SYNPO: variants seen among roughly 807,000 people sequenced by gnomAD.
SYNPO encodes synaptopodin.
Under a neutral mutation model 49.5 loss-of-function variants are expected in SYNPO, and 19 were observed. That is an observed-to-expected ratio of 0.38 (90% CI 0.27 to 0.56). The LOEUF is 0.56. Among genes scored for constraint, SYNPO ranks in the 20% least tolerant of loss-of-function variants. The probability of loss-of-function intolerance (pLI) is 0.68; values close to 1 mark genes in which losing one functional copy is unlikely to be tolerated. For missense variants in SYNPO, 1,131 were observed against 1,248.3 expected (o/e 0.91, Z 1.42); for synonymous variants, 536 against 548.0 (o/e 0.98, Z 0.31).
At chr5:150,600,386 C>T (rs187857579), upstream of SYNPO, among the ~76,000 whole-genome samples, 183 of 152,368 alleles carry the variant, frequency 1.2e-3, 5 homozygotes, top group East Asian at 0.027. Context: ...CCCTCTGGGG[C>T]TCTGGGGTCT....
chr5:150,639,569 C>T (rs1395617895), upstream of SYNPO, among the ~76,000 whole-genome samples: 1 of 152,168 alleles, frequency 6.6e-6, no homozygotes, highest in East Asian at 1.9e-4. Context: ...ACCGCAGGGG[C>T]CCCTTGCTAA....
upstream of SYNPO, among the ~76,000 whole-genome samples, chr5:150,598,765 T>C (rs765520451): frequency 6.6e-6 from 1 of 151,986 alleles, no homozygotes; most frequent in African/African-American, 2.4e-5. Flanking sequence ...ACACAACTCA[T>C]GGACTTTCCA....
In SYNPO at chr5:150,649,579, C is replaced by T; in HGVS notation, c.1304C>T (p.Ala435Val). 6.2e-7 allele frequency: 1 copy of T among 1,610,270 alleles called. No homozygotes were observed. Among genetic ancestry groups the T allele is most frequent in the African/African-American group, 1.3e-5 (1 of 74,966 alleles). The change falls in exon 2 of 3, where the codon GCA becomes GTA. Residue 435 changes from alanine to valine, a missense_variant. By Grantham distance (64) the Ala-to-Val change is moderately conservative. Transcript: ENST00000307662. ...GCCTCCAACTTCCAGCAGGAGCCAG[C>T]ACCTCGTGACAGGGCCAGCCCCGCG... ...AEASNFQQEP[A>V]PRDRASPAAA...
intron 1 of SYNPO, among the ~76,000 whole-genome samples, chr5:150,609,384 T>TG (rs1345167263): frequency 6.6e-6 from 1 of 152,166 alleles, no homozygotes; most frequent in East Asian, 1.9e-4. Flanking sequence ...AACCTCCACC[T>TG]GCCGGGTTCA....
rs545150119 is a variant in SYNPO at position 150,647,759 on chromosome 5, T to C, written c.-332-185T>C. Among the ~76,000 whole-genome samples the C allele has an allele frequency of 3.3e-5, 5 of 152,112 alleles. 1 individual carries two copies. The South Asian group carries it at 8.3e-4, about 25-fold the overall frequency. On this transcript the variant is annotated intron_variant, in intron 1 of 2. Transcript: ENST00000307662. The stretch of plus-strand genomic sequence containing the variant: ...ACGTGGTGGCATTTGAGTTGGGCCA[T>C]GAAAGGTAGGTCAGGGCTGATTACG...
rs553410587 is a variant in SYNPO, at chr5:150,655,800, G to A, written c.2029-604G>A. On this transcript the variant is annotated intron_variant, in intron 2 of 2. Coordinates refer to ENST00000307662, the MANE Select transcript of SYNPO (RefSeq NM_007286.6). ...CCGCAGTAGCTGGGACTACAGGCACGCGCCACCGTGCCACTAATTTTTGTA... is the reference window on the plus strand; with the variant it reads ...CCGCAGTAGCTGGGACTACAGGCACACGCCACCGTGCCACTAATTTTTGTA... Among the ~76,000 whole-genome samples the A allele has an allele frequency of 3.3e-5, 5 of 152,268 alleles. No individual in the cohort carries two copies. The East Asian group carries it at 7.7e-4, about 24-fold the overall frequency.
chr5:150,596,381 C>T (rs185359179), upstream of SYNPO, among the ~76,000 whole-genome samples: 37 of 152,298 alleles, frequency 2.4e-4, no homozygotes, highest in East Asian at 4.8e-3. Flanking sequence ...TATCTGCTCA[C>T]TAAGAAGGCT....
intron 2 of SYNPO, 66 bp downstream of exon 2, chr5:150,650,369 C>A (rs554795120): frequency 6.3e-7 from 1 of 1,597,524 alleles, no homozygotes; most frequent in Non-Finnish European, 8.6e-7. Flanking sequence ...GGTCAAGTTC[C>A]CCTCCTTGAG....
rs758659255 is a variant in SYNPO, at chr5:150,650,217, G to A, written c.1942G>A (p.Val648Met). ...TCCTTACGGCGGTGACATCTCCCCC[G>A]TGTCTCCCTCCAGGGCGTGGTCTCC... Reference protein sequence around the residue: ...SPPYGGDISPVSPSRAWSPRA... With the variant: ...SPPYGGDISPMSPSRAWSPRA... The change falls in exon 2 of 3, where the codon GTG (valine) becomes ATG (methionine). Residue 648 changes from valine (V) to methionine (M), a missense_variant. This residue lies in a region of SYNPO where 509 missense variants were observed against 484.5 expected (regional missense o/e 1.05). Transcript: ENST00000307662. The A allele has an allele frequency of 8.7e-6, 14 of 1,613,574 alleles. No homozygotes were observed. Among genetic ancestry groups the A allele is most frequent in the East Asian group, 4.5e-5 (2 of 44,880 alleles).
upstream of SYNPO, among the ~76,000 whole-genome samples, chr5:150,637,629 A>G (rs1202895547): frequency 1.3e-5 from 2 of 152,198 alleles, no homozygotes; most frequent in African/African-American, 4.8e-5. Flanking sequence ...CCAGAGCCCC[A>G]GGCTGGTGAT....
At chr5:150,587,297 TG>T in the SYNPO span, among the ~76,000 whole-genome samples, 1 of 151,946 alleles carries the variant, frequency 6.6e-6, no homozygotes, top group Non-Finnish European at 1.5e-5. Flanking sequence ...AATATGTGGA[TG>T]ATGCATGTAT....
At chr5:150,600,465 G>A (rs1393237454), upstream of SYNPO, among the ~76,000 whole-genome samples, 2 of 152,222 alleles carry the variant, frequency 1.3e-5, no homozygotes, top group Admixed American at 1.3e-4. Context: ...CAGCCCCTTG[G>A]CCCAAATCCG....
rs73276126 is a variant in SYNPO, at chr5:150,656,208, A to G, written c.2029-196A>G. The stretch of plus-strand genomic sequence containing the variant: ...GAGTCTTCTTAACACGGAGGCAGAC[A>G]CAAGACAGCGGGGACTCTTCAGGCG... On this transcript the variant is annotated intron_variant, in intron 2 of 2. Coordinates refer to ENST00000307662, the MANE Select transcript of SYNPO (RefSeq NM_007286.6). Among the ~76,000 whole-genome samples, 5,172 of 152,120 alleles carry G rather than the reference A, an allele frequency of 0.034. 274 individuals carry two copies. The highest frequency in any genetic ancestry group is 0.12 in the African/African-American group (4,849 of 41,488).
chr5:150,602,036 C>T (rs1279464520), intron 1 of SYNPO, among the ~76,000 whole-genome samples: 1 of 152,214 alleles, frequency 6.6e-6, no homozygotes, highest in Non-Finnish European at 1.5e-5. Flanking sequence ...TTCCTTATGG[C>T]CATCGGGGAG....
chr5:150,638,403 T>G (rs1008482411), upstream of SYNPO, among the ~76,000 whole-genome samples: 10 of 152,240 alleles, frequency 6.6e-5, no homozygotes, highest in Non-Finnish European at 1.5e-5. Flanking sequence ...TCTAGATCTT[T>G]GATCTAGAAT....
rs115164884 is a variant in SYNPO, at chr5:150,601,573, G to A, written c.-266+385G>A. ...AATGAGTTCTGTGCGTGTGCTTGTT[G>A]TATGAATGAGCGTGTGTGCACACGC... On this transcript the variant is annotated intron_variant, in intron 1 of 2. Coordinates refer to the SYNPO transcript ENST00000394243. Among the ~76,000 whole-genome samples the A allele has an allele frequency of 4.3e-3, 649 of 152,296 alleles. 3 individuals are homozygous for A. Among genetic ancestry groups the A allele is most frequent in the African/African-American group, 0.015 (613 of 41,570 alleles).
intron 1 of SYNPO, among the ~76,000 whole-genome samples, chr5:150,610,001 A>C (rs1296791285): frequency 6.6e-6 from 1 of 152,172 alleles, no homozygotes; most frequent in African/African-American, 2.4e-5. Context: ...TATAGCCATG[A>C]CTTCAGTCTC....
intron 2 of SYNPO, among the ~76,000 whole-genome samples, chr5:150,634,922 G>A (rs1267543035): frequency 6.6e-6 from 1 of 152,038 alleles, no homozygotes; most frequent in Non-Finnish European, 1.5e-5. Context: ...TGGGTCATTT[G>A]AGCATCAAGT....
the SYNPO span, among the ~76,000 whole-genome samples, chr5:150,592,499 A>C: frequency 6.6e-6 from 1 of 152,192 alleles, no homozygotes; most frequent in Non-Finnish European, 1.5e-5. Flanking sequence ...TTCTGATTCA[A>C]GGTGGAATTA....
Sources: gnomAD v4.1 joint callset for allele counts (sites outside exome capture counted in the v4.1 genomes callset) on GRCh38, gnomAD v4.1.1 for gene constraint, gnomAD v4.1.1 regional missense constraint, MANE v1.5 for transcripts, NCBI Gene and HGNC (gene_info 2026-07-23, HGNC 2026-07-21) for gene names.